The following NIPBL variants were observed in gnomAD, a reference collection of about 807,000 sequenced individuals.
NIPBL encodes the protein NIPBL cohesin loading factor.
Under a neutral mutation model 321.8 loss-of-function variants are expected in NIPBL, and 19 were observed. The observed-to-expected ratio is 0.06, with a 90% CI of 0.04 to 0.09. The LOEUF (loss-of-function observed/expected upper bound fraction) is 0.09, where lower values mean the gene tolerates loss of function less well. Among genes scored for constraint, NIPBL ranks in the 10% least tolerant of loss-of-function variants. NIPBL has a pLI of 1.00. For missense variants in NIPBL, 2,210 were observed against 3,327.0 expected, an observed-to-expected ratio of 0.66 and a Z score of 8.26; for synonymous variants, 1,106 against 1,114.1, an observed-to-expected ratio of 0.99 and a Z score of 0.14.
At chr5:37,019,194 G>A (rs1749344511) in intron 24 of NIPBL, 117 bp from the exon 25 acceptor site, 1 of 723,792 alleles carries the variant, frequency 1.4e-6, no homozygotes, top group Non-Finnish European at 2.5e-6. Context: ...TTTAGTTACT[G>A]TGGTTGTATT....
chr5:36,955,672 A>G (rs1740855600), intron 3 of NIPBL, 35 bp downstream of exon 3: 1 of 1,586,210 alleles, frequency 6.3e-7, no homozygotes, highest in Non-Finnish European at 8.7e-7. Flanking sequence ...ACTATAAGTG[A>G]AAAGTTTTGG....
intron 1 of NIPBL, chr5:36,885,834 T>A (rs1745856380): frequency 1.5e-6 from 1 of 687,670 alleles, no homozygotes; most frequent in South Asian, 1.4e-5. Flanking sequence ...GAGGAGCTGC[T>A]CTTAATGAAG....
chr5:37,005,373 A>G (rs920607123), intron 16 of NIPBL, among the ~76,000 whole-genome samples: 3 of 152,202 alleles, frequency 2.0e-5, no homozygotes, highest in Non-Finnish European at 4.4e-5. Context: ...AGAAATTGTG[A>G]TAATCATCAT....
At chr5:37,041,251 G>GT (rs1561200046) in intron 34 of NIPBL, among the ~76,000 whole-genome samples, 4 of 93,684 alleles carry the variant, frequency 4.3e-5, no homozygotes, top group African/African-American at 1.4e-4. Context: ...GTTATGTGGT[G>GT]GTTTTTTTTT....
At chr5:36,932,421 C>CT (rs1379936614) in intron 1 of NIPBL, among the ~76,000 whole-genome samples, 3 of 152,116 alleles carry the variant, frequency 2.0e-5, no homozygotes, top group African/African-American at 7.2e-5. Context: ...TGTACTGACT[C>CT]TATCATTATG....
chr5:36,976,480 C>A (rs938577039), intron 9 of NIPBL, 78 bp downstream of exon 9: 2 of 1,409,720 alleles, frequency 1.4e-6, no homozygotes, highest in Non-Finnish European at 2.0e-6. Flanking sequence ...TTTCACATTA[C>A]TTTTTTCCCG....
intron 3 of NIPBL, among the ~76,000 whole-genome samples, chr5:36,956,610 T>A (rs1740976241): frequency 1.4e-5 from 2 of 144,650 alleles, no homozygotes; most frequent in African/African-American, 2.5e-5. Context: ...AATATCTAAA[T>A]CACTTCTTTT....
intron 34 of NIPBL, among the ~76,000 whole-genome samples, chr5:37,039,264 A>G (rs1752058529): frequency 6.6e-6 from 1 of 151,080 alleles, no homozygotes; most frequent in Admixed American, 6.6e-5. Context: ...TATGCTTTAT[A>G]TTTTTCATAC....
chr5:36,887,122 C>T (rs1745969855), intron 1 of NIPBL, among the ~76,000 whole-genome samples: 1 of 151,962 alleles, frequency 6.6e-6, no homozygotes, highest in Admixed American at 6.6e-5. Flanking sequence ...CCTGTTTAAC[C>T]CTCAACCCCC....
intron 1 of NIPBL, among the ~76,000 whole-genome samples, chr5:36,886,740 C>T (rs527913930): frequency 8.6e-5 from 13 of 151,596 alleles, no homozygotes; most frequent in African/African-American, 2.7e-4. Context: ...TTTCCATTAC[C>T]CCCAAAAGTT....
rs1745089170 is a variant in NIPBL at position 36,876,830 on chromosome 5, G to GCCCTCCCCC, written c.-420_-412dup. On this transcript the variant is annotated 5_prime_UTR_variant, in exon 1 of 47. Coordinates refer to ENST00000282516, the MANE Select transcript of NIPBL (RefSeq NM_133433.4). ...GACACACACAGGGCTCCTTCCCCCC[G>GCCCTCCCCC]CCCTCCCCCCCCTCCCTCCGTCGGT... The GCCCTCCCCC allele has an allele frequency of 5.6e-5, 12 of 213,018 alleles. No individual in the cohort carries two copies. The highest frequency in any genetic ancestry group is 9.3e-5 in the African/African-American group (2 of 21,494). The allele number at this position is 213,018 out of a possible 1,614,324, so 13.2% of individuals were successfully genotyped here. A position where few individuals can be genotyped will look rare whatever the true frequency, so the allele number is the denominator to read the frequency against.
At chr5:37,061,113 T>A in intron 45 of NIPBL, 95 bp downstream of exon 45, 1 of 857,702 alleles carries the variant, frequency 1.2e-6, no homozygotes, top group Non-Finnish European at 1.9e-6. Context: ...CTCCTTCACA[T>A]TGAATATAAG....
chr5:36,946,838 T>G (rs1019152742), intron 1 of NIPBL, among the ~76,000 whole-genome samples: 1 of 152,152 alleles, frequency 6.6e-6, no homozygotes, highest in African/African-American at 2.4e-5. Context: ...CAGACACTTA[T>G]GTTCTTTGAA....
At chr5:36,930,206 G>T (rs1453464891) in intron 1 of NIPBL, among the ~76,000 whole-genome samples, 5 of 152,060 alleles carry the variant, frequency 3.3e-5, no homozygotes, top group African/African-American at 1.2e-4. Context: ...TAATTTATGA[G>T]CATGGAATGT....
At chr5:36,905,806 C>T (rs371356558) in intron 1 of NIPBL, among the ~76,000 whole-genome samples, 10 of 151,612 alleles carry the variant, frequency 6.6e-5, no homozygotes, top group African/African-American at 1.9e-4. Flanking sequence ...TGCAGTGGTG[C>T]GATCTTGGCT....
At chr5:36,961,201 T>G (rs1305388243) in intron 4 of NIPBL, among the ~76,000 whole-genome samples, 1 of 152,192 alleles carries the variant, frequency 6.6e-6, no homozygotes, top group Admixed American at 6.5e-5. Flanking sequence ...AAAAATCTTT[T>G]CAATTCTAAG....
Position 37,036,363 on chromosome 5 carries a change from A to ATATATATATATATATATATG in NIPBL, c.5863-11_5863-10insATATATATATATATGTATAT, listed in dbSNP as rs1554029663. 1 of 575,894 alleles carries ATATATATATATATATATATG rather than the reference A, an allele frequency of 1.7e-6. No individual in the cohort carries two copies. The highest frequency in any genetic ancestry group is 2.0e-5 in the African/African-American group (1 of 49,060). 35.7% of individuals were successfully genotyped at this position (575,894 alleles called of 1,614,324 possible). The stretch of plus-strand genomic sequence containing the variant: ...TATATATATGTATATATATATATAT[A>ATATATATATATATATATATG]TATATGTATATATAGTTGTTGAAGT... On this transcript the variant is annotated splice_polypyrimidine_tract_variant and intron_variant, in intron 32 of 46. Coordinates refer to ENST00000282516, the MANE Select transcript of NIPBL (RefSeq NM_133433.4).
chr5:36,893,249 T>G (rs541948986), intron 1 of NIPBL, among the ~76,000 whole-genome samples: 19 of 152,334 alleles, frequency 1.2e-4, no homozygotes, highest in Middle Eastern at 6.8e-3. Flanking sequence ...GAAGGGATTA[T>G]CTTTACAAAT....
intron 1 of NIPBL, among the ~76,000 whole-genome samples, chr5:36,889,222 T>G (rs566592647): frequency 6.6e-6 from 1 of 152,146 alleles, no homozygotes; most frequent in Non-Finnish European, 1.5e-5. Flanking sequence ...AGAATTGGTG[T>G]AATTTAGTTA....
Sources: allele counts gnomAD v4.1 joint callset (sites outside exome capture counted in the v4.1 genomes callset), GRCh38; gene constraint gnomAD v4.1.1; transcripts MANE v1.5; gene names NCBI Gene and HGNC (gene_info 2026-07-23, HGNC 2026-07-21).